The following SCN9A variants were observed in gnomAD, a reference collection of about 807,000 sequenced individuals.
SCN9A encodes sodium voltage-gated channel alpha subunit 9.
Under a neutral mutation model 187.0 loss-of-function variants are expected in SCN9A, and 131 were observed. The observed-to-expected ratio is 0.70, with a 90% confidence interval of 0.61 to 0.81. The LOEUF is 0.81. Among genes scored for constraint, SCN9A ranks in the 30% least tolerant of loss-of-function variants. The pLI is 0.00. For missense variants in SCN9A, 2,252 were observed against 2,396.6 expected (o/e 0.94, Z 1.26); for synonymous variants, 809 against 808.6 (o/e 1.00, Z -0.01).
intron 17 of SCN9A, among the ~76,000 whole-genome samples, chr2:166,270,993 A>G (rs1344357479): frequency 6.6e-6 from 1 of 152,080 alleles, no homozygotes; most frequent in African/African-American, 2.4e-5. Context: ...TACGGTTGTT[A>G]TATTTCACAA....
In SCN9A at chr2:166,203,990, A is replaced by C. The variant is rs1307977305; in HGVS notation, c.4739T>G (p.Ile1580Ser). ...RHYYFTVGWNIFDFVVVIISI... is the reference protein window; with the variant it reads ...RHYYFTVGWNSFDFVVVIISI... ...GATAATCACAACCACAAAATCAAAAATATTCCATCCTACAGTGAAGTAGTA... is the reference window on the plus strand; with the variant it reads ...GATAATCACAACCACAAAATCAAAACTATTCCATCCTACAGTGAAGTAGTA... Residue 1580 changes from isoleucine to serine, a missense_variant, in exon 26 of 27, where the codon ATT (isoleucine) becomes AGT (serine). This residue lies in a region of SCN9A where 368 missense variants were observed against 408.6 expected (regional missense o/e 0.90). Coordinates refer to ENST00000642356, the MANE Select transcript of SCN9A (RefSeq NM_001365536.1). The C allele has an allele frequency of 3.8e-6, 6 of 1,598,980 alleles. No homozygotes were observed. Among genetic ancestry groups the C allele is most frequent in the Non-Finnish European group, 5.1e-6 (6 of 1,168,142 alleles).
intron 1 of SCN9A, among the ~76,000 whole-genome samples, chr2:166,335,906 T>G (rs559205579): frequency 6.6e-6 from 1 of 152,102 alleles, no homozygotes; most frequent in Non-Finnish European, 1.5e-5. Flanking sequence ...TGTACAGAGT[T>G]TTTTTTCTTG....
At chr2:166,278,386 T>TG in intron 14 of SCN9A, 73 bp from the exon 15 acceptor site, 11 of 1,259,806 alleles carry the variant, frequency 8.7e-6, no homozygotes, top group Non-Finnish European at 1.2e-5. Flanking sequence ...ATAATCACTG[T>TG]TTGCTTAGCA....
intron 1 of SCN9A, among the ~76,000 whole-genome samples, chr2:166,354,018 T>A (rs1228205670): frequency 6.6e-6 from 1 of 152,212 alleles, no homozygotes; most frequent in Non-Finnish European, 1.5e-5. Context: ...AACATAGATG[T>A]CACACTAATT....
At position 166,280,338 on chromosome 2, in the gene SCN9A, C is replaced by T; in HGVS notation, c.2343+19G>A. The T allele has an allele frequency of 7.4e-7, 1 of 1,350,070 alleles. No individual in the cohort carries two copies. Among genetic ancestry groups the T allele is most frequent in the Non-Finnish European group, 1.0e-6 (1 of 964,258 alleles). 83.6% of individuals were successfully genotyped at this position (1,350,070 alleles called of 1,614,324 possible). A position where few individuals can be genotyped will look rare whatever the true frequency, so the allele number is the denominator to read the frequency against. On this transcript the variant is annotated intron_variant, in intron 14 of 26. Coordinates refer to ENST00000642356, the MANE Select transcript of SCN9A (RefSeq NM_001365536.1). ...AAAAAGAGAAACTATGAGTACATAA[C>T]ACACAATAAGAGACTTACCAAATTT...
chr2:166,287,476 C>T (rs1009593499), intron 10 of SCN9A, among the ~76,000 whole-genome samples: 1 of 151,726 alleles, frequency 6.6e-6, no homozygotes, highest in Non-Finnish European at 1.5e-5. Context: ...TCTAATTTTC[C>T]AAAATTTAAA....
At chr2:166,208,714 T>C (rs1693936597) in intron 24 of SCN9A, among the ~76,000 whole-genome samples, 1 of 152,194 alleles carries the variant, frequency 6.6e-6, no homozygotes. Flanking sequence ...GGGTTGGTTA[T>C]TAGAAAGAGG....
intron 1 of SCN9A, among the ~76,000 whole-genome samples, chr2:166,327,190 A>G (rs1699385109): frequency 6.6e-6 from 1 of 152,032 alleles, no homozygotes. Flanking sequence ...GGTCTCACTC[A>G]CTCTGTTGCC....
At position 166,197,595 on chromosome 2, in the gene SCN9A, G is replaced by A. The variant is rs200857447; in HGVS notation, c.*1077C>T. 2.0e-5 allele frequency: 3 copies of A among 152,244 alleles called. No homozygotes were observed. The highest frequency in any genetic ancestry group is 6.5e-5 in the Admixed American group (1 of 15,302). 9.4% of individuals were successfully genotyped at this position (152,244 alleles called of 1,614,324 possible). A position where few individuals can be genotyped will look rare whatever the true frequency, so the allele number is the denominator to read the frequency against. On this transcript the variant is annotated 3_prime_UTR_variant, in exon 27 of 27. Coordinates refer to ENST00000642356, the MANE Select transcript of SCN9A (RefSeq NM_001365536.1). ...CATGATTTGAAAGCTTGCCAAACAC[G>A]GGATTGTATACAAGTGATGCAATAA...
rs199697102 is a variant in SCN9A, at chr2:166,226,678, A to C, written c.4287T>G (p.Tyr1429Ter). The change falls in exon 24 of 27, where the codon TAT becomes TAG. Residue 1429 changes from tyrosine (Y) to a stop codon, truncating the protein, a stop_gained. Transcript: ENST00000642356. LOFTEE classifies it high-confidence loss of function. ...CAAAATAAATATACATGTAGAGGCT[A>C]TATTCATATTTGGGCTGCTTGTCTA... The part of the protein sequence containing the change: ...VNVDKQPKYE[Y>*]SLYMYIYFVV... The C allele has an allele frequency of 1.3e-6, 2 of 1,578,188 alleles. No individual in the cohort carries two copies. Among genetic ancestry groups the C allele is most frequent in the Non-Finnish European group, 1.7e-6 (2 of 1,164,306 alleles).
intron 24 of SCN9A, among the ~76,000 whole-genome samples, chr2:166,207,176 C>A (rs1455371503): frequency 3.9e-5 from 6 of 151,956 alleles, no homozygotes; most frequent in African/African-American, 1.5e-4. Context: ...TAGTATAATC[C>A]ATATAATTAA....
At position 166,229,090 on chromosome 2, in the gene SCN9A, A is replaced by T. The variant is rs569202243; in HGVS notation, c.3925-118T>A. On this transcript the variant is annotated intron_variant, in intron 21 of 26. Transcript: ENST00000642356. ...GAAAAGCCGCCCTTAAATATCTAAG[A>T]CATCAAACCAACCAGCCGACTCATG... is the stretch of plus-strand genomic sequence containing the variant. 1.2e-5 allele frequency: 9 copies of T among 751,368 alleles called. 1 individual carries two copies. Among genetic ancestry groups the T allele is most frequent in the African/African-American group, 8.8e-5 (5 of 57,032 alleles). The allele number at this position is 751,368 out of a possible 1,614,324, so 46.5% of individuals were successfully genotyped here. A position where few individuals can be genotyped will look rare whatever the true frequency, so the allele number is the denominator to read the frequency against.
At chr2:166,260,268 T>C (rs1430935195) in intron 17 of SCN9A, among the ~76,000 whole-genome samples, 1 of 151,870 alleles carries the variant, frequency 6.6e-6, no homozygotes, top group Non-Finnish European at 1.5e-5. Flanking sequence ...CCAAAGATAA[T>C]GACTTTGTAA....
intron 17 of SCN9A, among the ~76,000 whole-genome samples, chr2:166,264,813 T>C (rs1269242781): frequency 6.6e-6 from 1 of 151,886 alleles, no homozygotes; most frequent in Non-Finnish European, 1.5e-5. Flanking sequence ...TTGCTCAAAA[T>C]GCAGGTTCTT....
At chr2:166,217,414 G>C (rs1001270368) in intron 24 of SCN9A, among the ~76,000 whole-genome samples, 6 of 151,952 alleles carry the variant, frequency 3.9e-5, no homozygotes, top group Non-Finnish European at 5.9e-5. Context: ...TAACAGAGTG[G>C]AGAGAGAGAT....
At chr2:166,220,752 G>A (rs1558959270) in intron 24 of SCN9A, among the ~76,000 whole-genome samples, 1 of 152,118 alleles carries the variant, frequency 6.6e-6, no homozygotes, top group African/African-American at 2.4e-5. Flanking sequence ...TGTAAGATCA[G>A]GAATAAGACA....
Position 166,272,879 on chromosome 2 carries a change from TA to T in SCN9A, c.2875-5del, listed in dbSNP as rs774840081. 143 of 1,387,588 alleles carry T rather than the reference TA, an allele frequency of 1.0e-4. No homozygotes were observed. In the East Asian group the frequency reaches 3.3e-3, roughly 32 times the overall value. 86.0% of individuals were successfully genotyped at this position (1,387,588 alleles called of 1,614,324 possible). ...AGGCCAGAAATAGGTTTAGGACCTA[TA>T]TCAGGGTGGGGAGAGGGGGTAGAGA... On this transcript the variant is annotated splice_polypyrimidine_tract_variant and splice_region_variant and intron_variant, in intron 16 of 26. Coordinates refer to ENST00000642356, the MANE Select transcript of SCN9A (RefSeq NM_001365536.1).
chr2:166,297,146 G>A (rs924204403), intron 7 of SCN9A, among the ~76,000 whole-genome samples: 1 of 124,430 alleles, frequency 8.0e-6, no homozygotes, highest in African/African-American at 3.1e-5. Flanking sequence ...ACAGTGAGCC[G>A]AGATAGCGAC....
chr2:166,309,534 A>C (rs915302819), intron 2 of SCN9A, among the ~76,000 whole-genome samples: 1 of 152,208 alleles, frequency 6.6e-6, no homozygotes, highest in Non-Finnish European at 1.5e-5. Flanking sequence ...CTAGGAATCC[A>C]ACTTACAAGG....
Sources: gnomAD v4.1 joint callset for allele counts (sites outside exome capture counted in the v4.1 genomes callset) on GRCh38, gnomAD v4.1.1 for gene constraint, gnomAD v4.1.1 regional missense constraint, MANE v1.5 for transcripts, NCBI Gene and HGNC (gene_info 2026-07-23, HGNC 2026-07-21) for gene names.